ALCAM: variants seen among roughly 807,000 people sequenced by gnomAD.
ALCAM encodes the protein activated leukocyte cell adhesion molecule.
A neutral mutation model predicts 70.9 loss-of-function variants in ALCAM; 30 were observed. The ratio of observed to expected loss-of-function variants is 0.42; its 90% CI spans 0.32 to 0.57. The LOEUF is 0.57. Ranked by LOEUF, ALCAM falls within the 20% of genes least tolerant of loss-of-function variation. The probability of loss-of-function intolerance (pLI) is 0.11; values close to 1 mark genes in which losing one functional copy is unlikely to be tolerated. For synonymous variants in ALCAM, 249 were observed against 242.5 expected, an observed-to-expected ratio of 1.03 and a Z score of -0.25; for missense variants, 591 against 695.1, an observed-to-expected ratio of 0.85 and a Z score of 1.68.
chr3:105,451,123 G>A (rs1306413363), intron 1 of ALCAM, among the ~76,000 whole-genome samples: 1 of 152,076 alleles, frequency 6.6e-6, no homozygotes, highest in Non-Finnish European at 1.5e-5. Context: ...AAAAATCTGA[G>A]CATGGTGGTG....
At chr3:105,481,208 C>A (rs1429949581) in intron 1 of ALCAM, among the ~76,000 whole-genome samples, 2 of 152,026 alleles carry the variant, frequency 1.3e-5, no homozygotes, top group Non-Finnish European at 2.9e-5. Context: ...GCTAATAAAG[C>A]AAATGCCACT....
At chr3:105,384,977 TG>T (rs1414466185) in intron 1 of ALCAM, among the ~76,000 whole-genome samples, 2 of 151,582 alleles carry the variant, frequency 1.3e-5, no homozygotes, top group Non-Finnish European at 3.0e-5. Flanking sequence ...GTTAAGATTC[TG>T]GATTAATCAA....
intron 1 of ALCAM, among the ~76,000 whole-genome samples, chr3:105,389,878 C>T (rs1043693085): frequency 3.3e-5 from 5 of 151,616 alleles, no homozygotes; most frequent in Admixed American, 6.6e-5. Flanking sequence ...AGGATAATGG[C>T]TTCCCACTTC....
At chr3:105,565,820 G>T (rs1160436139) in intron 14 of ALCAM, among the ~76,000 whole-genome samples, 1 of 152,190 alleles carries the variant, frequency 6.6e-6, no homozygotes, top group Non-Finnish European at 1.5e-5. Context: ...GGAATCAAAG[G>T]AATGCTTATG....
chr3:105,516,459 C>G (rs1939380875), intron 1 of ALCAM, among the ~76,000 whole-genome samples: 1 of 151,940 alleles, frequency 6.6e-6, no homozygotes, highest in East Asian at 1.9e-4. Context: ...TTCTATATAT[C>G]AGAATTACTT....
At chr3:105,570,861 G>A (rs1034715324) in intron 14 of ALCAM, among the ~76,000 whole-genome samples, 1 of 152,122 alleles carries the variant, frequency 6.6e-6, no homozygotes, top group African/African-American at 2.4e-5. Flanking sequence ...TCAGGTTGTA[G>A]TAGCCTTTGG....
intron 1 of ALCAM, among the ~76,000 whole-genome samples, chr3:105,377,329 C>T (rs1231846258): frequency 6.6e-6 from 1 of 152,000 alleles, no homozygotes; most frequent in Non-Finnish European, 1.5e-5. Flanking sequence ...TCCATATAAG[C>T]AATTGGTGGC....
intron 1 of ALCAM, among the ~76,000 whole-genome samples, chr3:105,475,453 T>A (rs898836959): frequency 7.9e-5 from 12 of 152,112 alleles, no homozygotes; most frequent in Admixed American, 7.2e-4. Flanking sequence ...AGTTGTGTAC[T>A]TGCTTGAAAC....
intron 1 of ALCAM, among the ~76,000 whole-genome samples, chr3:105,392,750 T>G (rs1935855897): frequency 6.6e-6 from 1 of 151,978 alleles, no homozygotes. Context: ...CTGCTTTAGC[T>G]GTGTCCCAGA....
At chr3:105,419,227 G>A (rs1010594137) in intron 1 of ALCAM, among the ~76,000 whole-genome samples, 20 of 151,768 alleles carry the variant, frequency 1.3e-4, no homozygotes, top group African/African-American at 4.8e-4. Context: ...CTACAGTGAG[G>A]CCAAAGGAAT....
chr3:105,563,443 C>G (rs373239466), intron 14 of ALCAM, among the ~76,000 whole-genome samples: 2 of 151,232 alleles, frequency 1.3e-5, no homozygotes, highest in African/African-American at 2.4e-5. Flanking sequence ...TACATTTCCA[C>G]TTTTTCTCCT....
chr3:105,432,182 C>G (rs765358348), intron 1 of ALCAM, among the ~76,000 whole-genome samples: 15 of 152,046 alleles, frequency 9.9e-5, no homozygotes, highest in Non-Finnish European at 1.5e-5. Flanking sequence ...TTGACAATTG[C>G]AAAATATACA....
intron 15 of ALCAM, among the ~76,000 whole-genome samples, chr3:105,574,044 G>GT (rs770938697): frequency 1.3e-5 from 2 of 151,944 alleles, no homozygotes; most frequent in African/African-American, 2.4e-5. Context: ...TTTTTTGTTT[G>GT]TTTTTTCCAC....
At chr3:105,435,876 C>T (rs1001298861) in intron 1 of ALCAM, among the ~76,000 whole-genome samples, 1 of 151,634 alleles carries the variant, frequency 6.6e-6, no homozygotes, top group Non-Finnish European at 1.5e-5. Context: ...CTGCAAGCTC[C>T]GCCTCCCGGG....
chr3:105,415,272 G>A (rs1214925048), intron 1 of ALCAM, among the ~76,000 whole-genome samples: 1 of 152,074 alleles, frequency 6.6e-6, no homozygotes, highest in Non-Finnish European at 1.5e-5. Context: ...TAGTTGAGAC[G>A]AAGTGCCTCA....
chr3:105,453,971 C>T (rs6437590), intron 1 of ALCAM, among the ~76,000 whole-genome samples: 146,748 of 152,252 alleles, frequency 0.96, 70,936 homozygotes, highest in East Asian at 1. Context: ...GATACAGCTT[C>T]AAATTCTATA....
At chr3:105,475,876 A>G (rs1275682198) in intron 1 of ALCAM, among the ~76,000 whole-genome samples, 1 of 151,704 alleles carries the variant, frequency 6.6e-6, no homozygotes, top group African/African-American at 2.4e-5. Context: ...CCATAACTTT[A>G]CCTTCCCCAA....
intron 1 of ALCAM, among the ~76,000 whole-genome samples, chr3:105,506,613 A>G (rs1447487006): frequency 1.3e-5 from 2 of 152,094 alleles, no homozygotes; most frequent in African/African-American, 4.8e-5. Flanking sequence ...TTTTTTTTAA[A>G]CCCAAATGAC....
chr3:105,532,856 GACT>G (rs1939874140), intron 4 of ALCAM, among the ~76,000 whole-genome samples: 1 of 152,104 alleles, frequency 6.6e-6, no homozygotes, highest in South Asian at 2.1e-4. Flanking sequence ...AGGGAGTTTG[GACT>G]TTATTCTGTT....
Sources: allele counts gnomAD v4.1 joint callset (sites outside exome capture counted in the v4.1 genomes callset), GRCh38; gene constraint gnomAD v4.1.1; transcripts MANE v1.5; gene names NCBI Gene and HGNC (gene_info 2026-07-23, HGNC 2026-07-21).